Variants in CADPS observed in about 807,000 individuals in gnomAD.
The protein encoded by CADPS is calcium-dependent secretion activator 1.
CADPS carries 57 observed loss-of-function variants against 167.3 expected under a neutral mutation model. That is an observed-to-expected ratio of 0.34 (90% CI 0.28 to 0.42). The LOEUF (loss-of-function observed/expected upper bound fraction) is 0.42. Ranked by LOEUF, CADPS falls within the 20% of genes least tolerant of loss-of-function variation. The pLI, the probability that CADPS is intolerant of heterozygous loss-of-function variation, is 1.00. For synonymous variants in CADPS, 676 were observed against 635.3 expected (o/e 1.06, Z -0.96); for missense variants, 1,414 against 1,738.1 (o/e 0.81, Z 3.32).
intron 23 of CADPS, among the ~76,000 whole-genome samples, chr3:62,475,601 A>AAC (rs2061203202): frequency 1.3e-5 from 2 of 148,820 alleles, no homozygotes; most frequent in African/African-American, 5.0e-5. Flanking sequence ...AAAAAAAAAA[A>AAC]AAAAAAAAAA....
chr3:62,399,636 G>T lies in CADPS; in HGVS notation c.3883-51C>A. 1 of 1,499,888 alleles carries T rather than the reference G, an allele frequency of 6.7e-7. No individual in the cohort carries two copies. Among genetic ancestry groups the T allele is most frequent in the Non-Finnish European group, 9.2e-7 (1 of 1,082,114 alleles). 92.9% of individuals were successfully genotyped at this position (1,499,888 alleles called of 1,614,324 possible). ...AAGAGAGATCTCATCTCCATGATGGGGAGGGAGAAGGTAAAAGCAGGTGTG... is the reference window on the plus strand; with the variant it reads ...AAGAGAGATCTCATCTCCATGATGGTGAGGGAGAAGGTAAAAGCAGGTGTG... On this transcript the variant is annotated intron_variant, in intron 29 of 29. Transcript: ENST00000383710. The surrounding 1 kb of genome is among the most constrained non-coding windows in gnomAD (Gnocchi z 5.6).
chr3:62,720,094 G>A (rs1383211675), intron 3 of CADPS, among the ~76,000 whole-genome samples: 1 of 152,164 alleles, frequency 6.6e-6, no homozygotes, highest in Non-Finnish European at 1.5e-5. Context: ...TTAAGGTACT[G>A]AGAGTTTGAA....
intron 1 of CADPS, among the ~76,000 whole-genome samples, chr3:62,863,013 A>G (rs2153190447): frequency 6.6e-6 from 1 of 152,372 alleles, no homozygotes; most frequent in Non-Finnish European, 1.5e-5. Flanking sequence ...TACAAATTGT[A>G]GAGAATATAT....
At chr3:62,757,175 G>A (rs972643670) in intron 2 of CADPS, among the ~76,000 whole-genome samples, 1 of 152,104 alleles carries the variant, frequency 6.6e-6, no homozygotes, top group Non-Finnish European at 1.5e-5. Flanking sequence ...GGGGTGACTT[G>A]AAAACATTCA....
chr3:62,544,117 A>G lies in CADPS; in HGVS notation c.1966+5786T>C, dbSNP rs894966283. Among the ~76,000 whole-genome samples, 1 of 152,068 alleles carries G rather than the reference A, an allele frequency of 6.6e-6. No homozygotes were observed. The highest frequency in any genetic ancestry group is 2.4e-5 in the African/African-American group (1 of 41,408). On this transcript the variant is annotated intron_variant, in intron 11 of 29. Transcript: ENST00000383710. The surrounding 1 kb of genome is among the most constrained non-coding windows in gnomAD (Gnocchi z 4.4). ...GACTGTGAATCCAAAGCATTTGTAAATGAGTGACATGGATTCAGTCTTGTC... is the reference window on the plus strand; with the variant it reads ...GACTGTGAATCCAAAGCATTTGTAAGTGAGTGACATGGATTCAGTCTTGTC...
chr3:62,869,006 C>A (rs1378027816), intron 1 of CADPS, among the ~76,000 whole-genome samples: 1 of 151,982 alleles, frequency 6.6e-6, no homozygotes, highest in African/African-American at 2.4e-5. Context: ...GTTGAGTATT[C>A]CTTATCCTCA....
intron 3 of CADPS, among the ~76,000 whole-genome samples, chr3:62,730,146 C>T (rs1367253228): frequency 1.3e-5 from 2 of 149,440 alleles, no homozygotes; most frequent in Non-Finnish European, 2.9e-5. Flanking sequence ...TTCTTTGTAG[C>T]CATTGAGATG....
chr3:62,530,188 T>G (rs2073330966), intron 13 of CADPS, among the ~76,000 whole-genome samples: 1 of 152,200 alleles, frequency 6.6e-6, no homozygotes, highest in African/African-American at 2.4e-5. Context: ...TTTCTTTTTA[T>G]GAGATGAATG....
chr3:62,703,274 A>C (rs376067545), intron 3 of CADPS, among the ~76,000 whole-genome samples: 12 of 152,154 alleles, frequency 7.9e-5, no homozygotes, highest in African/African-American at 2.9e-4. Flanking sequence ...GAACGACCCA[A>C]TGAATGAATA....
In CADPS at chr3:62,638,077, T is replaced by TTATATATATATATATATATA. The variant is rs928423543; in HGVS notation, c.1325+7644_1325+7645insTATATATATATATATATATA. Among the ~76,000 whole-genome samples, 73 of 36,756 alleles carry TTATATATATATATATATATA rather than the reference T, an allele frequency of 2.0e-3. 1 individual carries two copies. Among genetic ancestry groups the TTATATATATATATATATATA allele is most frequent in the Non-Finnish European group, 7.7e-3 (49 of 6,366 alleles). 24.1% of individuals were successfully genotyped at this position (36,756 alleles called of 152,430 possible). ...ATCTGCCCAAGCATTGTTTTAAGCA[T>TTATATATATATATATATATA]TATATATATATATATATGTATATAT... On this transcript the variant is annotated intron_variant, in intron 6 of 29. Coordinates refer to ENST00000383710, the MANE Select transcript of CADPS (RefSeq NM_003716.4).
At chr3:62,585,763 C>A (rs963309400) in intron 7 of CADPS, among the ~76,000 whole-genome samples, 4 of 152,146 alleles carry the variant, frequency 2.6e-5, no homozygotes, top group African/African-American at 9.7e-5. Flanking sequence ...CCTCAAGGCC[C>A]CCAGGGGAAA....
Position 62,420,152 on chromosome 3 carries a change from G to A in CADPS, c.3778-16967C>T, listed in dbSNP as rs2050994862. Reference sequence around the variant, plus strand: ...GGAATGCTTTACATTAAACCACACAGCTGGTTTCCAAGCAGATAGTGAAAG... The same window carrying A: ...GGAATGCTTTACATTAAACCACACAACTGGTTTCCAAGCAGATAGTGAAAG... On this transcript the variant is annotated intron_variant, in intron 28 of 29. Transcript: ENST00000383710. This position sits in a 1 kb window ranked among gnomAD's most constrained non-coding sequence, Gnocchi z 4.1. Among the ~76,000 whole-genome samples the A allele has an allele frequency of 6.6e-6, 1 of 152,114 alleles. No homozygotes were observed. Among genetic ancestry groups the A allele is most frequent in the South Asian group, 2.1e-4 (1 of 4,816 alleles).
At position 62,458,871 on chromosome 3, in the gene CADPS, T is replaced by C. The variant is rs184776436; in HGVS notation, c.3636+6496A>G. On this transcript the variant is annotated intron_variant, in intron 26 of 29. Coordinates refer to ENST00000383710, the MANE Select transcript of CADPS (RefSeq NM_003716.4). This position sits in a 1 kb window ranked among gnomAD's most constrained non-coding sequence, Gnocchi z 4.6. ...GTGTGTGTCTTATGTTTGCTTTGAA[T>C]GATATTCAGCTGTTCACTACACAAT... Among the ~76,000 whole-genome samples the C allele has an allele frequency of 5.3e-4, 81 of 152,368 alleles. 1 individual carries two copies. The highest frequency in any genetic ancestry group is 2.8e-4 in the Non-Finnish European group (19 of 68,030).
intron 6 of CADPS, among the ~76,000 whole-genome samples, chr3:62,645,297 G>T (rs1011495969): frequency 2.6e-5 from 4 of 152,012 alleles, no homozygotes; most frequent in Admixed American, 2.6e-4. Flanking sequence ...CACCACTGAA[G>T]AACTTAGTAA....
In CADPS at chr3:62,399,722, C is replaced by T. The variant is rs763752926; in HGVS notation, c.3883-137G>A. 5 of 650,888 alleles carry T rather than the reference C, an allele frequency of 7.7e-6. No individual in the cohort carries two copies. Among genetic ancestry groups the T allele is most frequent in the Non-Finnish European group, 1.1e-5 (4 of 378,494 alleles). The allele number at this position is 650,888 out of a possible 1,614,324, so 40.3% of individuals were successfully genotyped here. A position where few individuals can be genotyped will look rare whatever the true frequency, so the allele number is the denominator to read the frequency against. On this transcript the variant is annotated intron_variant, in intron 29 of 29. Coordinates refer to ENST00000383710, the MANE Select transcript of CADPS (RefSeq NM_003716.4). The surrounding 1 kb of genome is among the most constrained non-coding windows in gnomAD (Gnocchi z 5.6). The stretch of plus-strand genomic sequence containing the variant: ...CTTTATGCATTGTCAAATAAAAAGC[C>T]ACTGTGCTTAGATTTCACTTGTATT...
In CADPS at chr3:62,499,196, T is replaced by G. The variant is rs1407850987; in HGVS notation, c.2672A>C (p.Glu891Ala). 3 of 1,613,620 alleles carry G rather than the reference T, an allele frequency of 1.9e-6. No homozygotes were observed. Among genetic ancestry groups the G allele is most frequent in the Admixed American group, 3.3e-5 (2 of 60,002 alleles). Reference protein sequence around the residue: ...DTIRLAELVIEVLQQNEEHHA... With the variant: ...DTIRLAELVIAVLQQNEEHHA... Reference sequence around the variant, plus strand: ...GTGCTCCTCATTTTGCTGAAGAACTTCAATGACTAGTTCAGCAAGACGTAT... The same window carrying G: ...GTGCTCCTCATTTTGCTGAAGAACTGCAATGACTAGTTCAGCAAGACGTAT... The change falls in exon 18 of 30, where the codon GAA becomes GCA. Residue 891 changes from glutamate to alanine, a missense_variant. Physicochemically the swap from Glu to Ala is moderately radical, Grantham distance 107 (BLOSUM62 -1). Coordinates refer to ENST00000383710, the MANE Select transcript of CADPS (RefSeq NM_003716.4).
At chr3:62,828,263 G>A (rs149498625) in intron 1 of CADPS, among the ~76,000 whole-genome samples, 665 of 152,288 alleles carry the variant, frequency 4.4e-3, no homozygotes, top group Non-Finnish European at 6.7e-3. Flanking sequence ...TGGAGCCAGG[G>A]CTCCAGATGG....
At chr3:62,853,934 C>T (rs149687585) in intron 1 of CADPS, among the ~76,000 whole-genome samples, 13 of 151,908 alleles carry the variant, frequency 8.6e-5, no homozygotes, top group Admixed American at 2.0e-4. Context: ...CCAGCCTGGG[C>T]GACAGACAGT....
chr3:62,427,920 G>A (rs889624677), intron 28 of CADPS, among the ~76,000 whole-genome samples: 1 of 151,962 alleles, frequency 6.6e-6, no homozygotes, highest in Non-Finnish European at 1.5e-5. Context: ...TTATACCTTG[G>A]TTGGCATACA....
Sources: gnomAD v4.1 joint callset for allele counts (sites outside exome capture counted in the v4.1 genomes callset) on GRCh38, gnomAD v4.1.1 for gene constraint, Gnocchi (gnomAD v3.1) non-coding constraint, MANE v1.5 for transcripts, NCBI Gene and HGNC (gene_info 2026-07-23, HGNC 2026-07-21) for gene names.